The following CCDC91 variants were observed in gnomAD, a reference collection of about 807,000 sequenced individuals.
CCDC91 encodes coiled-coil domain-containing protein 91.
In CCDC91, 48 loss-of-function variants were observed where a neutral mutation model predicts 63.2. That is an observed-to-expected ratio of 0.76 (90% CI 0.60 to 0.97). The LOEUF (loss-of-function observed/expected upper bound fraction) is 0.97. CCDC91 is among the 50% of genes least tolerant of loss of function. CCDC91 has a pLI of 0.00. For synonymous variants in CCDC91, 167 were observed against 165.8 expected (o/e 1.01, Z -0.06); for missense variants, 500 against 494.6 (o/e 1.01, Z -0.10).
rs1367537586 is a variant in CCDC91, at chr12:28,527,956, G to A, written c.1216-21107G>A. On this transcript the variant is annotated intron_variant, in intron 12 of 12. Coordinates refer to ENST00000536442, the MANE Select transcript of CCDC91 (RefSeq NM_018318.5). ...GGTCTCACTCCCACTGTGCCCCCCC[G>A]CCAAGAGCACCAAGTCTGTTTCCAG... 5.3e-5 allele frequency among the ~76,000 whole-genome samples: 8 copies of A among 152,142 alleles called. No homozygotes were observed. The South Asian group carries it at 1.2e-3, about 24-fold the overall frequency.
At chr12:28,323,713 T>C (rs1940733221) in intron 6 of CCDC91, among the ~76,000 whole-genome samples, 2 of 151,944 alleles carry the variant, frequency 1.3e-5, no homozygotes, top group African/African-American at 4.8e-5. Flanking sequence ...TCTCTATTTT[T>C]AGGGGGAAGT....
At position 28,215,469 on chromosome 12, in the gene CCDC91, G is replaced by GT. The variant is rs1218418005; in HGVS notation, c.-15+24831dup. 2.0e-5 allele frequency among the ~76,000 whole-genome samples: 3 copies of GT among 152,094 alleles called. No individual in the cohort carries two copies. In the East Asian group the frequency reaches 5.8e-4, roughly 29 times the overall value. ...ATTTCCTCTTCCAGTATAACCAACA[G>GT]TTTGTGGTTGGCATGATGTAATGTC... On this transcript the variant is annotated intron_variant, in intron 1 of 12. Coordinates refer to ENST00000536442, the MANE Select transcript of CCDC91 (RefSeq NM_018318.5).
At chr12:28,538,885 T>G (rs1293213406) in intron 12 of CCDC91, among the ~76,000 whole-genome samples, 1 of 152,250 alleles carries the variant, frequency 6.6e-6, no homozygotes, top group Non-Finnish European at 1.5e-5. Flanking sequence ...TCATGTGTCT[T>G]TTGGCTGCAT....
At chr12:28,315,123 G>T in intron 6 of CCDC91, among the ~76,000 whole-genome samples, 1 of 150,890 alleles carries the variant, frequency 6.6e-6, no homozygotes, top group Non-Finnish European at 1.5e-5. Context: ...AGAACAACAT[G>T]TTAAGGGTAT....
intron 8 of CCDC91, among the ~76,000 whole-genome samples, chr12:28,401,947 G>A (rs1350262015): frequency 6.6e-6 from 1 of 152,056 alleles, no homozygotes; most frequent in African/African-American, 2.4e-5. Context: ...TCTTCTCTCT[G>A]CCAGTCTATT....
intron 8 of CCDC91, among the ~76,000 whole-genome samples, chr12:28,420,146 A>C (rs1262740821): frequency 1.3e-5 from 2 of 152,162 alleles, no homozygotes; most frequent in African/African-American, 2.4e-5. Context: ...CCCATATCAC[A>C]TAACCAGTAA....
At chr12:28,441,553 ATGAG>A (rs1236556006) in intron 8 of CCDC91, among the ~76,000 whole-genome samples, 1 of 151,392 alleles carries the variant, frequency 6.6e-6, no homozygotes, top group Non-Finnish European at 1.5e-5. Flanking sequence ...ACTTGTATGG[ATGAG>A]TATTACAGAT....
chr12:28,390,716 T>G (rs1945878773), intron 7 of CCDC91, among the ~76,000 whole-genome samples: 1 of 152,138 alleles, frequency 6.6e-6, no homozygotes, highest in African/African-American at 2.4e-5. Flanking sequence ...GACTCTTGAC[T>G]TACCTACTTT....
intron 8 of CCDC91, among the ~76,000 whole-genome samples, chr12:28,401,589 A>G (rs1433851332): frequency 6.6e-6 from 1 of 152,150 alleles, no homozygotes; most frequent in Non-Finnish European, 1.5e-5. Flanking sequence ...AGCCTCTTAT[A>G]AAACCATCAG....
intron 7 of CCDC91, among the ~76,000 whole-genome samples, chr12:28,379,332 A>G (rs1295230216): frequency 1.3e-5 from 2 of 151,980 alleles, no homozygotes; most frequent in Admixed American, 1.3e-4. Context: ...GCTTTTGCAC[A>G]GCAAAAGAAA....
chr12:28,462,797 G>A (rs1950370173), intron 11 of CCDC91, among the ~76,000 whole-genome samples: 1 of 152,080 alleles, frequency 6.6e-6, no homozygotes, highest in South Asian at 2.1e-4. Flanking sequence ...TGCTTTGAGA[G>A]TGATAAAATA....
chr12:28,451,077 A>T (rs1018356566), intron 10 of CCDC91, among the ~76,000 whole-genome samples: 1 of 151,768 alleles, frequency 6.6e-6, no homozygotes, highest in Non-Finnish European at 1.5e-5. Flanking sequence ...AAAGCAATAA[A>T]TTACTTTTGA....
chr12:28,296,927 A>C (rs1000448112), intron 3 of CCDC91, among the ~76,000 whole-genome samples: 2 of 151,890 alleles, frequency 1.3e-5, no homozygotes, highest in African/African-American at 4.8e-5. Flanking sequence ...GGGTTCAACA[A>C]CATAGACCTG....
intron 12 of CCDC91, among the ~76,000 whole-genome samples, chr12:28,534,574 CAT>C (rs1262835327): frequency 6.6e-6 from 1 of 152,142 alleles, no homozygotes; most frequent in Non-Finnish European, 1.5e-5. Flanking sequence ...GTCTACGGGA[CAT>C]GTGTAGAAAC....
At chr12:28,433,242 T>C (rs2140110270) in intron 8 of CCDC91, among the ~76,000 whole-genome samples, 1 of 152,076 alleles carries the variant, frequency 6.6e-6, no homozygotes, top group East Asian at 1.9e-4. Flanking sequence ...ATCCCATTTT[T>C]GTGTGTGTGT....
intron 1 of CCDC91, among the ~76,000 whole-genome samples, chr12:28,223,956 A>G (rs1944110560): frequency 6.6e-6 from 1 of 152,090 alleles, no homozygotes; most frequent in Admixed American, 6.6e-5. Flanking sequence ...TAAATCAGGT[A>G]TTTTCATGGA....
rs1244089744 is a variant in CCDC91 at position 28,248,330 on chromosome 12, G to C, written c.-14-8872G>C. On this transcript the variant is annotated intron_variant, in intron 1 of 12. Coordinates refer to ENST00000536442, the MANE Select transcript of CCDC91 (RefSeq NM_018318.5). The stretch of plus-strand genomic sequence containing the variant: ...GTTGTCTCTTGGCTATGTAGATCTG[G>C]AGCTCAGGAAACACATCTAAATTAG... Among the ~76,000 whole-genome samples, 4 of 152,144 alleles carry C rather than the reference G, an allele frequency of 2.6e-5. No homozygotes were observed. In the East Asian group the frequency reaches 7.7e-4, roughly 29 times the overall value.
chr12:28,481,139 A>G (rs1192427935), intron 11 of CCDC91, among the ~76,000 whole-genome samples: 2 of 152,046 alleles, frequency 1.3e-5, no homozygotes, highest in Non-Finnish European at 2.9e-5. Context: ...TCATTTGGAT[A>G]GGATGTTTCT....
intron 12 of CCDC91, among the ~76,000 whole-genome samples, chr12:28,523,672 A>G (rs1337354626): frequency 6.6e-6 from 1 of 152,124 alleles, no homozygotes; most frequent in Non-Finnish European, 1.5e-5. Flanking sequence ...CCTAGCATCG[A>G]TGGTCTTTAC....
Sources: gnomAD v4.1 joint callset for allele counts (sites outside exome capture counted in the v4.1 genomes callset) on GRCh38, gnomAD v4.1.1 for gene constraint, MANE v1.5 for transcripts, NCBI Gene and HGNC (gene_info 2026-07-23, HGNC 2026-07-21) for gene names.